NKAIN2: variants seen among roughly 807,000 people sequenced by gnomAD.
NKAIN2 encodes sodium/potassium transporting ATPase interacting 2, also known as sodium/potassium-transporting ATPase subunit beta-1-interacting protein 2.
A neutral mutation model predicts 32.6 loss-of-function variants in NKAIN2; 14 were observed. The observed-to-expected ratio is 0.43, with a 90% confidence interval of 0.28 to 0.67. NKAIN2 has a LOEUF of 0.67. Ranked by LOEUF, NKAIN2 falls within the 30% of genes least tolerant of loss-of-function variation. The pLI, the probability that NKAIN2 is intolerant of heterozygous loss-of-function variation, is 0.17. For synonymous variants in NKAIN2, 80 were observed against 87.2 expected (o/e 0.92, Z 0.46); for missense variants, 198 against 258.3 (o/e 0.77, Z 1.60).
intron 3 of NKAIN2, among the ~76,000 whole-genome samples, chr6:124,424,160 A>AT (rs1774878767): frequency 6.6e-6 from 1 of 151,794 alleles, no homozygotes. Context: ...TGCCCAGCTA[A>AT]TTTTTTGTAT....
intron 3 of NKAIN2, among the ~76,000 whole-genome samples, chr6:124,608,751 T>C (rs910424151): frequency 6.6e-6 from 1 of 152,194 alleles, no homozygotes; most frequent in Non-Finnish European, 1.5e-5. Context: ...GTCACATCCC[T>C]GGAGCTCACA....
chr6:123,944,527 T>G (rs886983068), intron 1 of NKAIN2, among the ~76,000 whole-genome samples: 7 of 152,054 alleles, frequency 4.6e-5, no homozygotes, highest in African/African-American at 1.7e-4. Context: ...AAATCCTTAC[T>G]GACAAGCCCT....
chr6:123,931,070 A>G (rs568226488), intron 1 of NKAIN2, among the ~76,000 whole-genome samples: 1 of 151,814 alleles, frequency 6.6e-6, no homozygotes, highest in Non-Finnish European at 1.5e-5. Context: ...CAGAAGTCCT[A>G]TTGATCTTTT....
chr6:124,067,236 C>A (rs994612683), intron 1 of NKAIN2, among the ~76,000 whole-genome samples: 6 of 152,122 alleles, frequency 3.9e-5, no homozygotes, highest in Non-Finnish European at 8.8e-5. Flanking sequence ...GCATGGATAA[C>A]ATTATGTTTG....
At position 124,823,469 on chromosome 6, in the gene NKAIN2, G is replaced by A. The variant is rs963928547; in HGVS notation, c.*240G>A. On this transcript the variant is annotated 3_prime_UTR_variant, in exon 7 of 7. Coordinates refer to ENST00000368417, the MANE Select transcript of NKAIN2 (RefSeq NM_001040214.3). ...TGAAACAGACAAATATGCAGGACAC[G>A]CCCATCTTGGATTTCCTGAAAGCAG... 4 of 460,132 alleles carry A rather than the reference G, an allele frequency of 8.7e-6. No individual in the cohort carries two copies. The highest frequency in any genetic ancestry group is 6.5e-5 in the East Asian group (2 of 30,874). 28.5% of individuals were successfully genotyped at this position (460,132 alleles called of 1,614,324 possible).
chr6:124,809,735 C>T (rs1185168195), intron 5 of NKAIN2, among the ~76,000 whole-genome samples: 2 of 151,996 alleles, frequency 1.3e-5, no homozygotes, highest in Non-Finnish European at 2.9e-5. Context: ...ACCTACTCAT[C>T]TGACAAAGGG....
intron 1 of NKAIN2, among the ~76,000 whole-genome samples, chr6:123,997,214 A>G (rs1779655627): frequency 6.6e-6 from 1 of 152,234 alleles, no homozygotes. Context: ...CTCTAGCTTC[A>G]TAGATATCTT....
rs143884297 is a variant in NKAIN2, at chr6:124,763,226, A to C, written c.475-28113A>C. Reference sequence around the variant, plus strand: ...AAATTCAAGAGATCTATTGTACAACATGGTGACTATATGTATAATATTAGT... The same window carrying C: ...AAATTCAAGAGATCTATTGTACAACCTGGTGACTATATGTATAATATTAGT... On this transcript the variant is annotated intron_variant, in intron 4 of 6. Coordinates refer to ENST00000368417, the MANE Select transcript of NKAIN2 (RefSeq NM_001040214.3). Among the ~76,000 whole-genome samples the C allele has an allele frequency of 2.3e-3, 353 of 152,352 alleles. 5 individuals carry two copies. Among genetic ancestry groups the C allele is most frequent in the Admixed American group, 0.021 (315 of 15,300 alleles).
At chr6:124,246,579 G>A (rs527838247) in intron 1 of NKAIN2, among the ~76,000 whole-genome samples, 4 of 152,128 alleles carry the variant, frequency 2.6e-5, no homozygotes, top group South Asian at 2.1e-4. Flanking sequence ...AAACAAATCC[G>A]TGTGGCCTCG....
chr6:124,779,636 T>C (rs1583850570), intron 4 of NKAIN2, among the ~76,000 whole-genome samples: 1 of 152,184 alleles, frequency 6.6e-6, no homozygotes, highest in Non-Finnish European at 1.5e-5. Context: ...CTTACTATTA[T>C]TGCTCTTTAA....
chr6:124,121,572 C>T (rs192680655), intron 1 of NKAIN2, among the ~76,000 whole-genome samples: 3 of 152,008 alleles, frequency 2.0e-5, no homozygotes, highest in East Asian at 1.9e-4. Flanking sequence ...TTGGAAGACA[C>T]GTTCAGATTT....
intron 1 of NKAIN2, among the ~76,000 whole-genome samples, chr6:123,984,562 A>G (rs1342005107): frequency 1.3e-5 from 2 of 152,168 alleles, no homozygotes; most frequent in Non-Finnish European, 2.9e-5. Context: ...TTTCATTTGT[A>G]TGTGTACTTC....
intron 1 of NKAIN2, among the ~76,000 whole-genome samples, chr6:123,979,949 G>C (rs117343366): frequency 0.013 from 2,026 of 151,928 alleles, 18 homozygotes; most frequent in Non-Finnish European, 0.02. Flanking sequence ...AGAATTGTTC[G>C]TTAGTCAACA....
intron 4 of NKAIN2, among the ~76,000 whole-genome samples, chr6:124,762,249 T>C (rs1267794358): frequency 1.3e-5 from 2 of 152,184 alleles, no homozygotes; most frequent in East Asian, 1.9e-4. Flanking sequence ...CCTCATGTCA[T>C]GTTTTCTCTG....
intron 2 of NKAIN2, among the ~76,000 whole-genome samples, chr6:124,347,275 C>T (rs1245170313): frequency 6.6e-6 from 1 of 151,586 alleles, no homozygotes; most frequent in Admixed American, 6.6e-5. Flanking sequence ...ACATTTTTTC[C>T]TTCATTTCAA....
intron 1 of NKAIN2, among the ~76,000 whole-genome samples, chr6:124,250,881 A>G (rs1793663523): frequency 6.6e-6 from 1 of 152,068 alleles, no homozygotes; most frequent in Admixed American, 6.6e-5. Context: ...ATATTCTAAG[A>G]AGAGATGGTC....
chr6:123,991,893 T>C (rs1779430002), intron 1 of NKAIN2, among the ~76,000 whole-genome samples: 1 of 151,888 alleles, frequency 6.6e-6, no homozygotes, highest in Non-Finnish European at 1.5e-5. Flanking sequence ...TATATACATA[T>C]ATATATTTTA....
At chr6:124,219,593 C>A (rs918123624) in intron 1 of NKAIN2, among the ~76,000 whole-genome samples, 1 of 151,826 alleles carries the variant, frequency 6.6e-6, no homozygotes, top group Non-Finnish European at 1.5e-5. Flanking sequence ...TTATTGAATA[C>A]GAGTTACGAT....
intron 1 of NKAIN2, among the ~76,000 whole-genome samples, chr6:123,819,754 G>A (rs1294809701): frequency 1.3e-5 from 2 of 152,162 alleles, no homozygotes; most frequent in Admixed American, 6.5e-5. Flanking sequence ...CCAGTGAGTA[G>A]CTTTTAAAAG....
Sources: allele counts gnomAD v4.1 joint callset (sites outside exome capture counted in the v4.1 genomes callset), GRCh38; gene constraint gnomAD v4.1.1; transcripts MANE v1.5; gene names NCBI Gene and HGNC (gene_info 2026-07-23, HGNC 2026-07-21).